BMP2K: variants seen among roughly 807,000 people sequenced by gnomAD.
BMP2K encodes the protein BMP2 inducible kinase, also known as BMP-2-inducible protein kinase.
A neutral mutation model predicts 116.0 loss-of-function variants in BMP2K; 74 were observed. The ratio of observed to expected loss-of-function variants is 0.64; its 90% confidence interval spans 0.53 to 0.77. The LOEUF (loss-of-function observed/expected upper bound fraction) is 0.77, where lower values mean the gene tolerates loss of function less well. BMP2K is among the 30% of genes least tolerant of loss of function. The pLI, the probability that BMP2K is intolerant of heterozygous loss-of-function variation, is 0.00. For missense variants in BMP2K, 1,365 were observed against 1,403.6 expected, an observed-to-expected ratio of 0.97 and a Z score of 0.44; for synonymous variants, 486 against 502.5, an observed-to-expected ratio of 0.97 and a Z score of 0.44.
chr4:78,853,113 T>A (rs1007136974), intron 7 of BMP2K, among the ~76,000 whole-genome samples: 8 of 152,184 alleles, frequency 5.3e-5, no homozygotes, highest in African/African-American at 1.4e-4. Context: ...TGTAGTTGTT[T>A]CCATATATTA....
chr4:78,823,381 A>G (rs903101036), intron 1 of BMP2K, among the ~76,000 whole-genome samples: 1 of 151,724 alleles, frequency 6.6e-6, no homozygotes, highest in African/African-American at 2.4e-5. Context: ...CATTTGGGGG[A>G]ACTCTTTTCC....
chr4:78,795,687 T>C (rs2109943073), intron 1 of BMP2K, among the ~76,000 whole-genome samples: 1 of 151,408 alleles, frequency 6.6e-6, no homozygotes, highest in South Asian at 2.1e-4. Flanking sequence ...CTAACAAATT[T>C]CCAAGAAAAA....
In BMP2K at chr4:78,776,580, G is replaced by C; in HGVS notation, c.37G>C (p.Gly13Arg). 1.7e-6 allele frequency: 2 copies of C among 1,161,722 alleles called. No homozygotes were observed. The highest frequency in any genetic ancestry group is 2.1e-6 in the Non-Finnish European group (2 of 938,654). 72.0% of individuals were successfully genotyped at this position (1,161,722 alleles called of 1,614,324 possible). The change falls in exon 1 of 16, where the codon GGC becomes CGC. Residue 13 changes from glycine to arginine, a missense_variant. Around this residue, in one of 3 missense-constraint regions of BMP2K, gnomAD observed 762 missense variants for 756.7 expected, o/e 1.01. Coordinates refer to ENST00000502613, the MANE Select transcript of BMP2K (RefSeq NM_198892.2). ...KFSRMPKSEG[G>R]SGGGAAGGGA... Reference sequence around the variant, plus strand: ...CTCTCGGATGCCCAAGTCGGAGGGCGGCAGCGGCGGCGGAGCGGCGGGTGG... The same window carrying C: ...CTCTCGGATGCCCAAGTCGGAGGGCCGCAGCGGCGGCGGAGCGGCGGGTGG...
chr4:78,778,260 C>G (rs1727341475), intron 1 of BMP2K, among the ~76,000 whole-genome samples: 1 of 152,104 alleles, frequency 6.6e-6, no homozygotes, highest in Non-Finnish European at 1.5e-5. Flanking sequence ...GAATTTGTAA[C>G]TTGTATTACT....
At chr4:78,866,169 T>TA (rs1017968767) in intron 10 of BMP2K, among the ~76,000 whole-genome samples, 2 of 152,162 alleles carry the variant, frequency 1.3e-5, no homozygotes, top group African/African-American at 2.4e-5. Context: ...CATAAAAACT[T>TA]ACCTGATTTT....
rs370087986 is a variant in BMP2K at position 78,911,516 on chromosome 4, C to A, written c.2969C>A (p.Ser990Tyr). ...CAAAGGCGCACAAAGCAGGATATGT[C>A]CAAAAGTAATGGGAAGCGGCATCAT... The part of the protein sequence containing the change: ...SRQRRTKQDM[S>Y]KSNGKRHHGT... Residue 990 changes from serine (S) to tyrosine (Y), a missense_variant, in exon 16 of 16, where the codon TCC (serine) becomes TAC (tyrosine). By Grantham distance (144) the Ser-to-Tyr change is moderately radical. This residue lies in a region of BMP2K where 596 missense variants were observed against 623.2 expected (regional missense o/e 0.96). Transcript: ENST00000502613. 6.2e-7 allele frequency: 1 copy of A among 1,613,882 alleles called. No individual in the cohort carries two copies.
In BMP2K at chr4:78,870,999, AG is replaced by A. The variant is rs757985580; in HGVS notation, c.1449del (p.Gln483HisfsTer37). 5 of 1,591,678 alleles carry A rather than the reference AG, an allele frequency of 3.1e-6. No homozygotes were observed. Among genetic ancestry groups the A allele is most frequent in the Non-Finnish European group, 3.4e-6 (4 of 1,164,884 alleles). On this transcript the variant is annotated frameshift_variant, in exon 11 of 16. Transcript: ENST00000502613. LOFTEE classifies it high-confidence loss of function. Reference sequence around the variant, plus strand: ...CAACAGCAACAGCAGCAGCAGCAGCAGCAGCAGCAGCACCACCACCACCACC... The same window carrying A: ...CAACAGCAACAGCAGCAGCAGCAGCACAGCAGCAGCACCACCACCACCACC... The part of the protein sequence containing the change: ...QQQQQQQQQQ[Q>X]QQQHHHHHHH...
intron 15 of BMP2K, among the ~76,000 whole-genome samples, chr4:78,893,181 A>G (rs1275892323): frequency 6.6e-6 from 1 of 152,236 alleles, no homozygotes; most frequent in African/African-American, 2.4e-5. Flanking sequence ...TGTTCACAGC[A>G]TCTTCACCAG....
chr4:78,785,231 C>T (rs1014586125), intron 1 of BMP2K, among the ~76,000 whole-genome samples: 1 of 152,182 alleles, frequency 6.6e-6, no homozygotes, highest in Non-Finnish European at 1.5e-5. Flanking sequence ...CTGCCTCAGC[C>T]TCCCAAGTAG....
At chr4:78,844,791 G>T in intron 4 of BMP2K, 137 bp from the exon 5 acceptor site, 2 of 686,290 alleles carry the variant, frequency 2.9e-6, no homozygotes, top group Non-Finnish European at 4.9e-6. Flanking sequence ...ACTTATTTTT[G>T]TATATGGCAT....
intron 7 of BMP2K, 28 bp from the exon 8 acceptor site, chr4:78,859,556 T>A (rs1731667031): frequency 6.7e-7 from 1 of 1,499,540 alleles, no homozygotes; most frequent in African/African-American, 1.4e-5. Flanking sequence ...TTCATAAAAC[T>A]TCTTAACATT....
rs748375720 is a variant in BMP2K at position 78,833,584 on chromosome 4, A to G, written c.300A>G (p.Lys100=). 2 of 1,573,092 alleles carry G rather than the reference A, an allele frequency of 1.3e-6. No homozygotes were observed. The highest frequency in any genetic ancestry group is 1.2e-5 in the South Asian group (1 of 83,454). Residue 100 remains lysine, a splice_region_variant and synonymous_variant, in exon 3 of 16, where the codon AAA becomes AAG. Transcript: ENST00000502613. ...NVCKREITIM[K]ELSGHKNIVG... is the part of the protein sequence containing the mutation. The stretch of plus-strand genomic sequence containing the variant: ...TTCATTTTTTTTTTTCTTTCCAGAA[A>G]GAGCTATCTGGTCACAAAAATATTG...
chr4:78,807,962 T>A (rs934289957), intron 1 of BMP2K, among the ~76,000 whole-genome samples: 1 of 152,156 alleles, frequency 6.6e-6, no homozygotes. Context: ...ATACTTTTTT[T>A]ATTTCACTTA....
chr4:78,819,970 CATCTA>C (rs1729535757), intron 1 of BMP2K, among the ~76,000 whole-genome samples: 1 of 151,998 alleles, frequency 6.6e-6, no homozygotes, highest in Non-Finnish European at 1.5e-5. Flanking sequence ...TCTTTTTTGT[CATCTA>C]ATAGTAGGGT....
Position 78,915,549 on chromosome 4 carries a change from T to C in BMP2K, c.*3516T>C, listed in dbSNP as rs1029610087. On this transcript the variant is annotated 3_prime_UTR_variant, in exon 16 of 16. Transcript: ENST00000502613. The stretch of plus-strand genomic sequence containing the variant: ...TCTACTGTGAGAATGAGATGACATA[T>C]CTACTGTGAGAATACCATAAATGAT... 2.0e-5 allele frequency: 3 copies of C among 151,932 alleles called. No homozygotes were observed. The highest frequency in any genetic ancestry group is 4.4e-5 in the Non-Finnish European group (3 of 67,884). The allele number at this position is 151,932 out of a possible 1,614,324, so 9.4% of individuals were successfully genotyped here.
At chr4:78,780,615 A>G (rs539420395) in intron 1 of BMP2K, among the ~76,000 whole-genome samples, 4 of 152,214 alleles carry the variant, frequency 2.6e-5, no homozygotes, top group Non-Finnish European at 4.4e-5. Context: ...CGAAGAGAAG[A>G]TAGAGAGGAT....
chr4:78,871,018 C>A lies in BMP2K; in HGVS notation c.1467C>A (p.His489Gln). 1.2e-6 allele frequency: 2 copies of A among 1,606,064 alleles called. No individual in the cohort carries two copies. Among genetic ancestry groups the A allele is most frequent in the Non-Finnish European group, 8.5e-7 (1 of 1,179,330 alleles). ...QQQQQQQQHH[H>Q]HHHHHLLQDA... ...AGCAGCAGCAGCAGCAGCACCACCA[C>A]CACCACCACCACCACCTACTTCAAG... The change falls in exon 11 of 16, where the codon CAC becomes CAA. Residue 489 changes from histidine (H) to glutamine (Q), a missense_variant. By Grantham distance (24) the His-to-Gln change is conservative. Coordinates refer to ENST00000502613, the MANE Select transcript of BMP2K (RefSeq NM_198892.2).
chr4:78,805,123 G>A (rs570107006), intron 1 of BMP2K, among the ~76,000 whole-genome samples: 2 of 152,238 alleles, frequency 1.3e-5, no homozygotes, highest in South Asian at 4.1e-4. Context: ...TCATTCATTT[G>A]CATGTTAATA....
Position 78,912,927 on chromosome 4 carries a change from T to C in BMP2K, c.*894T>C, listed in dbSNP as rs886705060. 1 of 152,162 alleles carries C rather than the reference T, an allele frequency of 6.6e-6. No individual in the cohort carries two copies. Among genetic ancestry groups the C allele is most frequent in the Non-Finnish European group, 1.5e-5 (1 of 68,020 alleles). 9.4% of individuals were successfully genotyped at this position (152,162 alleles called of 1,614,324 possible). On this transcript the variant is annotated 3_prime_UTR_variant, in exon 16 of 16. Transcript: ENST00000502613. ...TGCATGGCTTCTTGCCCCAAACTTT[T>C]ATTGTGATGGCCCTAATAAAGCAGA...
Sources: gnomAD v4.1 joint callset for allele counts (sites outside exome capture counted in the v4.1 genomes callset) on GRCh38, gnomAD v4.1.1 for gene constraint, gnomAD v4.1.1 regional missense constraint, MANE v1.5 for transcripts, NCBI Gene and HGNC (gene_info 2026-07-23, HGNC 2026-07-21) for gene names.